FGF13: variants seen among roughly 807,000 people sequenced by gnomAD.
FGF13 encodes the protein fibroblast growth factor homologous factor 2.
In FGF13, 2 loss-of-function variants were observed where a neutral mutation model predicts 19.5. The observed-to-expected ratio is 0.10, with a 90% confidence interval of 0.04 to 0.32. FGF13 has a LOEUF of 0.32. Among genes scored for constraint, FGF13 ranks in the 10% least tolerant of loss-of-function variants. The pLI, the probability that FGF13 is intolerant of heterozygous loss-of-function variation, is 1.00. For missense variants in FGF13, 113 were observed against 192.7 expected (o/e 0.59, Z 2.45); for synonymous variants, 72 against 76.9 (o/e 0.94, Z 0.33).
At chrX:139,039,821 AT>A (rs2124402217) in intron 1 of FGF13, among the ~76,000 whole-genome samples, 1 of 111,817 alleles carries the variant, frequency 8.9e-6, no homozygotes, top group Non-Finnish European at 1.9e-5. Flanking sequence ...CTCCTGATAC[AT>A]TTAGATGGCA....
intron 1 of FGF13, among the ~76,000 whole-genome samples, chrX:138,892,394 A>G (rs2091482465): frequency 8.9e-6 from 1 of 112,011 alleles, no homozygotes; most frequent in Non-Finnish European, 1.9e-5. Context: ...AGCAATACAT[A>G]TATGTATATC....
intron 1 of FGF13, among the ~76,000 whole-genome samples, chrX:138,959,152 G>A (rs1343430264): frequency 9.0e-6 from 1 of 111,307 alleles, no homozygotes; most frequent in African/African-American, 3.3e-5. Context: ...TTCTCTTGTG[G>A]GCATTTAGTG....
In FGF13 at chrX:139,163,094, T is replaced by G. The variant is rs1489086809; in HGVS notation, c.-113+40322A>C. On this transcript the variant is annotated intron_variant, in intron 1 of 2. Coordinates refer to the FGF13 transcript ENST00000421460. ...GCTACTATAAAGACACATGCACACG[T>G]ATGTTTATTGCAGCACTATTCACAA... Among the ~76,000 whole-genome samples the G allele has an allele frequency of 4.5e-5, 5 of 111,973 alleles. No individual in the cohort carries two copies. In the Admixed American group the frequency reaches 4.7e-4, roughly 11 times the overall value.
intron 3 of FGF13, among the ~76,000 whole-genome samples, chrX:138,792,063 T>C (rs1032162131): frequency 1.8e-5 from 2 of 111,846 alleles, no homozygotes; most frequent in Non-Finnish European, 3.8e-5. Context: ...GTAGTGTTGC[T>C]AGCTTCTCAC....
intron 1 of FGF13, among the ~76,000 whole-genome samples, chrX:138,731,771 C>T (rs754738803): frequency 2.3e-4 from 25 of 109,379 alleles, no homozygotes; most frequent in African/African-American, 5.9e-4. Flanking sequence ...AATTTTAAAC[C>T]GCTAGCAAGA....
At chrX:139,104,543 A>G (rs2083543300) in intron 1 of FGF13, among the ~76,000 whole-genome samples, 1 of 111,682 alleles carries the variant, frequency 9.0e-6, no homozygotes, top group Non-Finnish European at 1.9e-5. Flanking sequence ...ATCCCAAAGC[A>G]GTCATAAACA....
intron 3 of FGF13, among the ~76,000 whole-genome samples, chrX:138,835,782 G>C (rs1420206131): frequency 9.0e-6 from 1 of 111,652 alleles, no homozygotes; most frequent in Non-Finnish European, 1.9e-5. Flanking sequence ...TTTTGTAGTG[G>C]CTGGTAACAG....
At chrX:139,197,808 A>G (rs1415603370) in intron 1 of FGF13, among the ~76,000 whole-genome samples, 6 of 110,232 alleles carry the variant, frequency 5.4e-5, no homozygotes, top group Non-Finnish European at 1.1e-4. Flanking sequence ...CTTGGCCAAC[A>G]TGGTGAAACC....
At chrX:138,961,900 A>G (rs1184662400) in intron 1 of FGF13, among the ~76,000 whole-genome samples, 1 of 111,710 alleles carries the variant, frequency 9.0e-6, no homozygotes, top group African/African-American at 3.3e-5. Flanking sequence ...CCTAGAAGAA[A>G]ACCTAGGCAT....
chrX:138,756,640 G>A (rs1305125560), intron 3 of FGF13, among the ~76,000 whole-genome samples: 2 of 112,170 alleles, frequency 1.8e-5, no homozygotes, highest in African/African-American at 6.5e-5. Flanking sequence ...ATAACCATTT[G>A]CTCTTAGCTA....
intron 3 of FGF13, among the ~76,000 whole-genome samples, chrX:138,779,910 G>A (rs1384981193): frequency 9.4e-6 from 1 of 106,245 alleles, no homozygotes; most frequent in Non-Finnish European, 1.9e-5. Flanking sequence ...AGGGCAACCA[G>A]AGAGAAAGGT....
chrX:138,996,736 G>T (rs747954523), intron 1 of FGF13, among the ~76,000 whole-genome samples: 4 of 112,225 alleles, frequency 3.6e-5, no homozygotes, highest in Admixed American at 2.8e-4. Context: ...GGGGGAAGGG[G>T]CCGCTGTGGG....
intron 1 of FGF13, among the ~76,000 whole-genome samples, chrX:139,123,045 T>C (rs1447772889): frequency 1.8e-5 from 2 of 110,805 alleles, no homozygotes; most frequent in African/African-American, 6.6e-5. Context: ...TTGCCAAATG[T>C]TCCAGGGTGG....
intron 1 of FGF13, among the ~76,000 whole-genome samples, chrX:139,017,095 T>TATATAC (rs1294246038): frequency 1.9e-5 from 2 of 107,255 alleles, no homozygotes; most frequent in African/African-American, 6.8e-5. Context: ...TATATATATA[T>TATATAC]ACACACACAC....
chrX:138,614,758 G>A lies in FGF13; in HGVS notation c.*18092C>T, dbSNP rs191131816. Reference sequence around the variant, plus strand: ...ATGAATGTTCATAGCAACTTTATTTGTAATAGCCCAAAAGTAGAAAGAACA... The same window carrying A: ...ATGAATGTTCATAGCAACTTTATTTATAATAGCCCAAAAGTAGAAAGAACA... On this transcript the variant is annotated 3_prime_UTR_variant, in exon 5 of 5. Coordinates refer to ENST00000315930, the MANE Select transcript of FGF13 (RefSeq NM_004114.5). The A allele has an allele frequency of 6.3e-5, 7 of 111,881 alleles. No homozygotes were observed. The Admixed American group carries it at 6.7e-4, about 11-fold the overall frequency. 9.2% of individuals were successfully genotyped at this position (111,881 alleles called of 1,213,427 possible).
At chrX:139,183,767 C>T (rs1187319035) in intron 1 of FGF13, among the ~76,000 whole-genome samples, 2 of 111,812 alleles carry the variant, frequency 1.8e-5, no homozygotes, top group Non-Finnish European at 3.8e-5. Flanking sequence ...TATAGCAATG[C>T]AAAATGACCA....
intron 1 of FGF13, among the ~76,000 whole-genome samples, chrX:138,725,116 C>T (rs2090175595): frequency 8.9e-6 from 1 of 111,809 alleles, no homozygotes; most frequent in Admixed American, 9.5e-5. Flanking sequence ...TTACAACTTA[C>T]AGTTTACTTC....
At chrX:138,633,697 C>CTT (rs1342248060) in intron 4 of FGF13, among the ~76,000 whole-genome samples, 1 of 111,393 alleles carries the variant, frequency 9.0e-6, no homozygotes, top group Non-Finnish European at 1.9e-5. Flanking sequence ...AGATACTACT[C>CTT]TAAGTTCTTT....
At chrX:139,131,481 G>C (rs1216299814) in intron 1 of FGF13, among the ~76,000 whole-genome samples, 1 of 101,214 alleles carries the variant, frequency 9.9e-6, no homozygotes, top group Non-Finnish European at 1.9e-5. Context: ...AGGTGCAGTG[G>C]CTCACACACT....
Sources: allele counts gnomAD v4.1 joint callset (sites outside exome capture counted in the v4.1 genomes callset), GRCh38; gene constraint gnomAD v4.1.1; transcripts MANE v1.5; gene names NCBI Gene and HGNC (gene_info 2026-07-23, HGNC 2026-07-21).